Variants in MMP26 observed in about 807,000 individuals in gnomAD.
The protein encoded by MMP26 is matrix metallopeptidase 26.
In MMP26, 33 loss-of-function variants were observed where a neutral mutation model predicts 31.0. The ratio of observed to expected loss-of-function variants is 1.06; its 90% CI spans 0.81 to 1.42. The LOEUF (loss-of-function observed/expected upper bound fraction) is 1.42, where lower values mean the gene tolerates loss of function less well. MMP26 is among the 40% of genes most tolerant of loss of function. The pLI, the probability that MMP26 is intolerant of heterozygous loss-of-function variation, is 0.00. For synonymous variants in MMP26, 122 were observed against 114.9 expected, an observed-to-expected ratio of 1.06 and a Z score of -0.40; for missense variants, 347 against 316.1, an observed-to-expected ratio of 1.10 and a Z score of -0.74.
At chr11:4,720,693 T>A (rs1310285714) in intron 1 of MMP26, among the ~76,000 whole-genome samples, 6 of 152,190 alleles carry the variant, frequency 3.9e-5, no homozygotes, top group Non-Finnish European at 5.9e-5. Context: ...GCTTATATTC[T>A]GACCTATAAT....
rs187981552 is a variant in MMP26 at position 4,876,886 on chromosome 11, G to A, written c.-145+109545G>A. 2.2e-3 allele frequency: 346 copies of A among 155,052 alleles called. 3 individuals are homozygous for A. The highest frequency in any genetic ancestry group is 2.6e-3 in the Non-Finnish European group (179 of 68,140). 9.6% of individuals were successfully genotyped at this position (155,052 alleles called of 1,614,324 possible). On this transcript the variant is annotated intron_variant, in intron 2 of 7. Coordinates refer to ENST00000380390, the MANE Select transcript of MMP26 (RefSeq NM_021801.5). ...CAGATGTTCTTCATCCACACATTTG[G>A]GGGAGTGGAATCAGGTGTTCTGGTG...
intron 1 of MMP26, among the ~76,000 whole-genome samples, chr11:4,753,519 T>C (rs1848471943): frequency 6.6e-6 from 1 of 152,148 alleles, no homozygotes; most frequent in African/African-American, 2.4e-5. Flanking sequence ...CCTTGTTTAG[T>C]GGAGTTGCTT....
At chr11:4,856,508 A>G (rs965171826) in intron 2 of MMP26, among the ~76,000 whole-genome samples, 2 of 152,254 alleles carry the variant, frequency 1.3e-5, no homozygotes, top group Non-Finnish European at 2.9e-5. Flanking sequence ...GATCAATTCA[A>G]CAAGAAGAGC....
chr11:4,723,595 TTGA>T, intron 1 of MMP26: 1 of 985,536 alleles, frequency 1.0e-6, no homozygotes, highest in Non-Finnish European at 1.6e-6. Context: ...CACATCCTTC[TTGA>T]TGAGGACAAA....
intron 6 of MMP26, 72 bp from the exon 7 acceptor site, chr11:4,991,892 T>A: frequency 7.4e-7 from 1 of 1,343,440 alleles, no homozygotes; most frequent in Non-Finnish European, 1.0e-6. Flanking sequence ...TTTTTCTTTG[T>A]CCTATTTCAC....
chr11:4,978,808 C>G (rs78724022), intron 2 of MMP26, among the ~76,000 whole-genome samples: 153 of 152,166 alleles, frequency 1.0e-3, no homozygotes, highest in African/African-American at 3.6e-3. Flanking sequence ...CCTACCTTCT[C>G]CTATTTTCCC....
chr11:4,895,823 A>G (rs1850691409), intron 2 of MMP26, among the ~76,000 whole-genome samples: 1 of 152,194 alleles, frequency 6.6e-6, no homozygotes, highest in Non-Finnish European at 1.5e-5. Context: ...CTAGCTACTC[A>G]GGAGGGTCAC....
chr11:4,722,132 C>G (rs1321357576), intron 1 of MMP26, among the ~76,000 whole-genome samples: 1 of 152,222 alleles, frequency 6.6e-6, no homozygotes, highest in Admixed American at 6.5e-5. Flanking sequence ...GCCTGCAAAA[C>G]TGTGAGCCAG....
chr11:4,803,559 A>C, intron 2 of MMP26: 1 of 1,614,048 alleles, frequency 6.2e-7, no homozygotes, highest in South Asian at 1.1e-5. Context: ...GGATGTGTAC[A>C]ACTCGGGGCA....
intron 2 of MMP26, among the ~76,000 whole-genome samples, chr11:4,964,485 A>T (rs1846563738): frequency 6.6e-6 from 1 of 152,100 alleles, no homozygotes; most frequent in African/African-American, 2.4e-5. Flanking sequence ...CTGTTCTTGT[A>T]CCAGTATTAT....
At chr11:4,791,907 CA>C (rs1279892974) in intron 2 of MMP26, among the ~76,000 whole-genome samples, 2 of 151,756 alleles carry the variant, frequency 1.3e-5, no homozygotes, top group Non-Finnish European at 2.9e-5. Context: ...GTTTTTCTAG[CA>C]ATCACCCTAT....
At chr11:4,967,466 C>T (rs1005965492) in intron 2 of MMP26, among the ~76,000 whole-genome samples, 1 of 152,168 alleles carries the variant, frequency 6.6e-6, no homozygotes, top group African/African-American at 2.4e-5. Flanking sequence ...GAACTTACCA[C>T]CAAAGTTCAT....
intron 1 of MMP26, among the ~76,000 whole-genome samples, chr11:4,706,599 A>AT (rs1847782934): frequency 1.7e-5 from 2 of 120,064 alleles, no homozygotes; most frequent in Non-Finnish European, 3.2e-5. Flanking sequence ...AAAAAAAAAA[A>AT]GACAGAAAGA....
chr11:4,986,930 TCC>T lies in MMP26; in HGVS notation c.-144-1136_-144-1135del, dbSNP rs1491109771. Among the ~76,000 whole-genome samples, 577 of 90,196 alleles carry T rather than the reference TCC, an allele frequency of 6.4e-3. 27 individuals carry two copies. The highest frequency in any genetic ancestry group is 0.022 in the African/African-American group (461 of 20,616). 59.2% of individuals were successfully genotyped at this position (90,196 alleles called of 152,430 possible). ...TTCTCTCTCTCTCTCTCTCTCTCTC[TCC>T]CTCTCTCTCTCTCTCTCTCTCTCTC... On this transcript the variant is annotated intron_variant, in intron 2 of 7. Coordinates refer to ENST00000380390, the MANE Select transcript of MMP26 (RefSeq NM_021801.5).
chr11:4,831,077 C>T lies in MMP26; in HGVS notation c.-145+63736C>T, dbSNP rs114328467. 3.5e-3 allele frequency among the ~76,000 whole-genome samples: 538 copies of T among 152,302 alleles called. 2 individuals are homozygous for T. The highest frequency in any genetic ancestry group is 0.01 in the African/African-American group (428 of 41,564). On this transcript the variant is annotated intron_variant, in intron 2 of 7. Coordinates refer to ENST00000380390, the MANE Select transcript of MMP26 (RefSeq NM_021801.5). ...AGGCAAAGGTCCTTAAAAAATTTTG[C>T]AGCATACAGAGTAGCTGCTAGTTCC...
chr11:4,709,787 A>G, intron 1 of MMP26: 1 of 458,072 alleles, frequency 2.2e-6, no homozygotes. Flanking sequence ...TCATGGACCT[A>G]GGTCTGTGTC....
At chr11:4,769,361 A>T (rs761910670) in intron 2 of MMP26, 4 of 1,613,950 alleles carry the variant, frequency 2.5e-6, no homozygotes, top group Non-Finnish European at 3.4e-6. Context: ...TAATTGAATC[A>T]CATCTGGATG....
At chr11:4,960,211 GA>G (rs2133620102) in intron 2 of MMP26, among the ~76,000 whole-genome samples, 1 of 152,252 alleles carries the variant, frequency 6.6e-6, no homozygotes, top group South Asian at 2.1e-4. Flanking sequence ...CACATAGGAA[GA>G]AAATAAATAT....
rs779801855 is a variant in MMP26, at chr11:4,769,324, G to A, written c.-145+1983G>A. On this transcript the variant is annotated intron_variant, in intron 2 of 7. Transcript: ENST00000380390. ...GGATGAGATCAATTAATCCACAGATGCTATTTGCCCGAATGTCTGAACATG... is the reference window on the plus strand; with the variant it reads ...GGATGAGATCAATTAATCCACAGATACTATTTGCCCGAATGTCTGAACATG... The A allele has an allele frequency of 8.1e-6, 13 of 1,613,130 alleles. No individual in the cohort carries two copies. The South Asian group carries it at 1.2e-4, about 15-fold the overall frequency.
Sources: allele counts gnomAD v4.1 joint callset (sites outside exome capture counted in the v4.1 genomes callset), GRCh38; gene constraint gnomAD v4.1.1; transcripts MANE v1.5; gene names NCBI Gene and HGNC (gene_info 2026-07-23, HGNC 2026-07-21).